The following DGAT2L6 variants were observed in gnomAD, a reference collection of about 807,000 sequenced individuals.
DGAT2L6 encodes the protein diacylglycerol O-acyltransferase 2 like 6, also known as diacylglycerol O-acyltransferase 2-like protein 6.
Under a neutral mutation model 25.5 loss-of-function variants are expected in DGAT2L6, and 22 were observed. That is an observed-to-expected ratio of 0.86 (90% confidence interval 0.62 to 1.23). The LOEUF is 1.23. Among genes scored for constraint, DGAT2L6 ranks in the 50% most tolerant of loss-of-function variants. DGAT2L6 has a pLI of 0.00. For synonymous variants in DGAT2L6, 100 were observed against 94.7 expected, an observed-to-expected ratio of 1.06 and a Z score of -0.32; for missense variants, 287 against 253.2, an observed-to-expected ratio of 1.13 and a Z score of -0.91.
Position 70,205,052 on chromosome X carries a change from C to G in DGAT2L6, c.960C>G (p.Asp320Glu). Residue 320 changes from aspartate (D) to glutamate (E), a missense_variant, in exon 7 of 7, where the codon GAC (aspartate) becomes GAG (glutamate). Asp to Glu is a conservative substitution (Grantham distance 45). Transcript: ENST00000333026. ...TCAGTGCCCTGCGCAAGCTCTTTGA[C>G]CAACACAAAGTTGAATATGGCCTCC... ...LYISALRKLF[D>E]QHKVEYGLPE... is the part of the protein sequence containing the mutation. 8.3e-7 allele frequency: 1 copy of G among 1,206,046 alleles called. No individual in the cohort carries two copies. The highest frequency in any genetic ancestry group is 1.8e-5 in the South Asian group (1 of 55,081).
intron 1 of DGAT2L6, among the ~76,000 whole-genome samples, chrX:70,195,827 T>C (rs1162835860): frequency 9.0e-6 from 1 of 111,111 alleles, no homozygotes. Flanking sequence ...TAAGGAAAAA[T>C]TTGTCAAAGG....
intron 1 of DGAT2L6, among the ~76,000 whole-genome samples, chrX:70,198,423 C>T (rs947076904): frequency 9.0e-6 from 1 of 111,673 alleles, no homozygotes; most frequent in Non-Finnish European, 1.9e-5. Flanking sequence ...AGGCTGGTCT[C>T]AAACTCCTAG....
At position 70,199,863 on chromosome X, in the gene DGAT2L6, G is replaced by A. The variant is rs140805163; in HGVS notation, c.248G>A (p.Arg83Gln). The change falls in exon 3 of 7, where the codon CGA becomes CAA. Residue 83 changes from arginine to glutamine, a missense_variant. Transcript: ENST00000333026. ...AACTGGACCCTATGGAAGTATTTCC[G>A]AAATTACTTCCCAGTAAAGGTGACC... ...VRNWTLWKYF[R>Q]NYFPVKLVKT... is the part of the protein sequence containing the mutation. The A allele has an allele frequency of 1.0e-4, 126 of 1,208,929 alleles. No individual in the cohort carries two copies. The highest frequency in any genetic ancestry group is 2.3e-4 in the Middle Eastern group (1 of 4,352).
intron 1 of DGAT2L6, among the ~76,000 whole-genome samples, chrX:70,180,522 TAA>T (rs1182908191): frequency 8.9e-6 from 1 of 112,057 alleles, no homozygotes; most frequent in South Asian, 3.7e-4. Flanking sequence ...CCTTCATTTT[TAA>T]AAGTTATTTT....
chrX:70,177,892 C>T (rs911902575), intron 1 of DGAT2L6, among the ~76,000 whole-genome samples: 22 of 109,401 alleles, frequency 2.0e-4, no homozygotes, highest in African/African-American at 7.0e-4. Flanking sequence ...TTTGGGAGGC[C>T]GAGGCAGGTG....
intron 4 of DGAT2L6, 65 bp downstream of exon 4, chrX:70,200,524 C>A: frequency 1.0e-6 from 1 of 990,905 alleles, no homozygotes; most frequent in South Asian, 2.2e-5. Flanking sequence ...CCAATAAGTC[C>A]TGACAATCAC....
intron 4 of DGAT2L6, 90 bp downstream of exon 4, chrX:70,200,549 G>T: frequency 1.2e-6 from 1 of 856,780 alleles, no homozygotes; most frequent in Non-Finnish European, 1.6e-6. Flanking sequence ...TGCTTGAAGA[G>T]TACATGATAG....
chrX:70,192,563 G>C (rs185337688), intron 1 of DGAT2L6, among the ~76,000 whole-genome samples: 12 of 111,668 alleles, frequency 1.1e-4, no homozygotes, highest in Admixed American at 6.7e-4. Context: ...ACTTATGTTA[G>C]AGTTAAAAGT....
chrX:70,187,178 T>C (rs1344388810), intron 1 of DGAT2L6, among the ~76,000 whole-genome samples: 3 of 100,457 alleles, frequency 3.0e-5, no homozygotes, highest in Admixed American at 2.1e-4. Context: ...TTTTTGTTTG[T>C]TTGTTTGTTT....
chrX:70,196,041 C>T (rs2085389928), intron 1 of DGAT2L6, among the ~76,000 whole-genome samples: 1 of 110,868 alleles, frequency 9.0e-6, no homozygotes, highest in Admixed American at 9.6e-5. Flanking sequence ...CAATGTATAC[C>T]TGTCTCAAAT....
intron 1 of DGAT2L6, among the ~76,000 whole-genome samples, chrX:70,196,307 G>A (rs1238181346): frequency 9.3e-6 from 1 of 107,946 alleles, no homozygotes; most frequent in East Asian, 2.9e-4. Flanking sequence ...GCAAGACCCT[G>A]TCTCTACAAA....
At chrX:70,203,015 G>C (rs148381235) in intron 5 of DGAT2L6, among the ~76,000 whole-genome samples, 1,708 of 111,963 alleles carry the variant, frequency 0.015, 35 homozygotes, top group African/African-American at 0.052. Flanking sequence ...TCCTGCTTTA[G>C]AGTCTTTGCT....
At chrX:70,191,293 A>T (rs2085374781) in intron 1 of DGAT2L6, among the ~76,000 whole-genome samples, 1 of 111,875 alleles carries the variant, frequency 8.9e-6, no homozygotes, top group Non-Finnish European at 1.9e-5. Context: ...AAATGAGATG[A>T]GAAGTTTAAT....
At chrX:70,203,044 C>T (rs1296627379) in intron 5 of DGAT2L6, among the ~76,000 whole-genome samples, 1 of 112,200 alleles carries the variant, frequency 8.9e-6, no homozygotes, top group Non-Finnish European at 1.9e-5. Flanking sequence ...TCCCTTGGAA[C>T]ACTATTCCTC....
chrX:70,194,998 G>A (rs2085386407), intron 1 of DGAT2L6, among the ~76,000 whole-genome samples: 1 of 111,658 alleles, frequency 9.0e-6, no homozygotes, highest in African/African-American at 3.3e-5. Flanking sequence ...TCTCTTATAA[G>A]GGGTTAATCT....
At chrX:70,185,125 T>G (rs1013846374) in intron 1 of DGAT2L6, among the ~76,000 whole-genome samples, 1 of 111,415 alleles carries the variant, frequency 9.0e-6, no homozygotes, top group African/African-American at 3.3e-5. Context: ...CCTTCCCAGC[T>G]TCATCTCCTG....
rs142487279 is a variant in DGAT2L6, at chrX:70,201,414, G to T, written c.473-476G>T. ...TTGGCTTGGTCAGGCTCAGGGGTCT[G>T]CCTACTCTCCAGAAACCCCAGCCAT... On this transcript the variant is annotated intron_variant, in intron 4 of 6. Transcript: ENST00000333026. 7.2e-5 allele frequency among the ~76,000 whole-genome samples: 8 copies of T among 111,861 alleles called. 1 individual carries two copies. The South Asian group carries it at 3.0e-3, about 42-fold the overall frequency.
At chrX:70,201,858 T>A in intron 4 of DGAT2L6, 32 bp from the exon 5 acceptor site, 1 of 1,134,776 alleles carries the variant, frequency 8.8e-7, no homozygotes, top group Non-Finnish European at 1.2e-6. Flanking sequence ...AGGAATGAAG[T>A]TTTTCTACCA....
chrX:70,201,351 G>A (rs1569206933), intron 4 of DGAT2L6, among the ~76,000 whole-genome samples: 2 of 112,236 alleles, frequency 1.8e-5, no homozygotes, highest in African/African-American at 3.2e-5. Context: ...TAAACAACAG[G>A]GTGTCATTCA....
Sources: gnomAD v4.1 joint callset for allele counts (sites outside exome capture counted in the v4.1 genomes callset) on GRCh38, gnomAD v4.1.1 for gene constraint, MANE v1.5 for transcripts, NCBI Gene and HGNC (gene_info 2026-07-23, HGNC 2026-07-21) for gene names.